PCDH7: variants seen among roughly 807,000 people sequenced by gnomAD.
PCDH7 encodes protocadherin-7.
In PCDH7, 17 loss-of-function variants were observed where a neutral mutation model predicts 58.9. The observed-to-expected ratio is 0.29, with a 90% CI of 0.20 to 0.43. The LOEUF (loss-of-function observed/expected upper bound fraction) is 0.43, where lower values mean the gene tolerates loss of function less well. Ranked by LOEUF, PCDH7 falls within the 20% of genes least tolerant of loss-of-function variation. The pLI is 1.00. For synonymous variants in PCDH7, 664 were observed against 616.4 expected, an observed-to-expected ratio of 1.08 and a Z score of -1.14; for missense variants, 1,274 against 1,441.0, an observed-to-expected ratio of 0.88 and a Z score of 1.88.
intron 3 of PCDH7, among the ~76,000 whole-genome samples, chr4:30,965,961 G>A (rs182621978): frequency 1.8e-4 from 27 of 152,174 alleles, no homozygotes; most frequent in African/African-American, 5.3e-4. Context: ...GAGTGAAAAT[G>A]CATTTTTCTT....
chr4:31,089,923 C>T (rs1410707160), intron 3 of PCDH7, among the ~76,000 whole-genome samples: 3 of 152,074 alleles, frequency 2.0e-5, no homozygotes, highest in Non-Finnish European at 4.4e-5. Flanking sequence ...TTTTACAGGC[C>T]CCAGATAACT....
At chr4:30,954,500 G>A (rs994458536) in intron 3 of PCDH7, among the ~76,000 whole-genome samples, 1 of 152,040 alleles carries the variant, frequency 6.6e-6, no homozygotes, top group Admixed American at 6.6e-5. Context: ...TTACCAAAGC[G>A]ATACCCTTTA....
At chr4:30,962,564 A>G (rs747623549) in intron 3 of PCDH7, among the ~76,000 whole-genome samples, 3 of 151,914 alleles carry the variant, frequency 2.0e-5, no homozygotes. Context: ...AAGTGGGAGG[A>G]TTACTTGAGC....
intron 1 of PCDH7, among the ~76,000 whole-genome samples, chr4:30,917,924 A>C (rs911587731): frequency 2.6e-5 from 4 of 152,096 alleles, no homozygotes; most frequent in African/African-American, 9.7e-5. Flanking sequence ...CTACTTTTAT[A>C]TCAAAATGAA....
At chr4:30,771,374 A>C (rs890547371) in intron 1 of PCDH7, among the ~76,000 whole-genome samples, 3 of 152,196 alleles carry the variant, frequency 2.0e-5, no homozygotes, top group African/African-American at 7.2e-5. Context: ...GACTCTATCC[A>C]AACGCATTCA....
At chr4:31,092,238 G>A (rs192403631) in intron 3 of PCDH7, among the ~76,000 whole-genome samples, 2 of 151,992 alleles carry the variant, frequency 1.3e-5, no homozygotes, top group East Asian at 1.9e-4. Flanking sequence ...AATATAAAAG[G>A]TAAATGTCAA....
At chr4:31,109,134 G>T (rs577940165) in intron 3 of PCDH7, among the ~76,000 whole-genome samples, 7 of 152,272 alleles carry the variant, frequency 4.6e-5, no homozygotes, top group South Asian at 2.1e-4. Context: ...TAACAATGTT[G>T]CTTCCACCCC....
chr4:30,817,140 G>C (rs907583916), intron 1 of PCDH7, among the ~76,000 whole-genome samples: 2 of 152,136 alleles, frequency 1.3e-5, no homozygotes, highest in African/African-American at 4.8e-5. Context: ...TATAGGAGAA[G>C]AAAATGGCAC....
chr4:30,981,636 T>G lies in PCDH7; in HGVS notation c.*7+31421T>G, dbSNP rs548055422. Reference sequence around the variant, plus strand: ...TACAAGCTCTTCAAAGAATCCTTTTTAAATTAATAGAATATATCAGTTTAG... The same window carrying G: ...TACAAGCTCTTCAAAGAATCCTTTTGAAATTAATAGAATATATCAGTTTAG... On this transcript the variant is annotated intron_variant, in intron 3 of 3. Transcript: ENST00000509759. Among the ~76,000 whole-genome samples, 4 of 152,332 alleles carry G rather than the reference T, an allele frequency of 2.6e-5. No homozygotes were observed. The East Asian group carries it at 5.8e-4, about 22-fold the overall frequency.
intron 3 of PCDH7, among the ~76,000 whole-genome samples, chr4:30,957,461 C>T (rs1488616106): frequency 6.6e-6 from 1 of 152,094 alleles, no homozygotes; most frequent in East Asian, 1.9e-4. Flanking sequence ...ATTTTAAAAA[C>T]AACCAGGAAA....
At chr4:30,846,019 T>C (rs923715567) in intron 1 of PCDH7, among the ~76,000 whole-genome samples, 2 of 152,206 alleles carry the variant, frequency 1.3e-5, no homozygotes, top group Non-Finnish European at 2.9e-5. Flanking sequence ...AGTCTAATAA[T>C]GGTAGTCTAA....
At chr4:30,793,548 A>G (rs1724406561) in intron 1 of PCDH7, among the ~76,000 whole-genome samples, 1 of 152,120 alleles carries the variant, frequency 6.6e-6, no homozygotes, top group Non-Finnish European at 1.5e-5. Context: ...AAAAAGAAAA[A>G]GAAAGAAAAA....
chr4:30,960,482 T>G (rs1748307593), intron 3 of PCDH7, among the ~76,000 whole-genome samples: 1 of 152,148 alleles, frequency 6.6e-6, no homozygotes, highest in Non-Finnish European at 1.5e-5. Flanking sequence ...ATAGCCATGT[T>G]TTTAGAATAA....
intron 3 of PCDH7, among the ~76,000 whole-genome samples, chr4:31,083,050 A>G (rs578082183): frequency 5.3e-4 from 81 of 152,120 alleles, no homozygotes; most frequent in Admixed American, 2.7e-3. Flanking sequence ...GGAGCTTGCA[A>G]TGAGCGGAGA....
intron 1 of PCDH7, among the ~76,000 whole-genome samples, chr4:30,889,631 G>C (rs1228441795): frequency 6.6e-6 from 1 of 152,128 alleles, no homozygotes; most frequent in Non-Finnish European, 1.5e-5. Context: ...GAAAATTCAA[G>C]ATCAAGACAC....
intron 2 of PCDH7, among the ~76,000 whole-genome samples, chr4:30,922,113 C>A (rs530384888): frequency 6.6e-6 from 1 of 151,010 alleles, no homozygotes; most frequent in Non-Finnish European, 1.5e-5. Context: ...ATATGTGTAA[C>A]GTGTAATTAC....
intron 1 of PCDH7, among the ~76,000 whole-genome samples, chr4:30,808,042 A>G (rs953049048): frequency 8.5e-5 from 13 of 152,186 alleles, no homozygotes; most frequent in Non-Finnish European, 1.8e-4. Flanking sequence ...GAGGGCTTGT[A>G]GGCACATCTC....
intron 1 of PCDH7, among the ~76,000 whole-genome samples, chr4:30,835,692 T>G (rs1276217807): frequency 6.6e-6 from 1 of 152,046 alleles, no homozygotes; most frequent in Non-Finnish European, 1.5e-5. Flanking sequence ...ACATGTAACT[T>G]TGGGCCGCTC....
At chr4:31,087,579 C>T (rs1001126969) in intron 3 of PCDH7, among the ~76,000 whole-genome samples, 2 of 151,900 alleles carry the variant, frequency 1.3e-5, no homozygotes, top group Non-Finnish European at 2.9e-5. Context: ...TGAGAAGAGA[C>T]ATAGAATGGT....
Sources: gnomAD v4.1 joint callset for allele counts (sites outside exome capture counted in the v4.1 genomes callset) on GRCh38, gnomAD v4.1.1 for gene constraint, MANE v1.5 for transcripts, NCBI Gene and HGNC (gene_info 2026-07-23, HGNC 2026-07-21) for gene names.